RBFOX1: variants seen among roughly 807,000 people sequenced by gnomAD.
RBFOX1 encodes the protein RNA binding fox-1 homolog 1.
A neutral mutation model predicts 57.7 loss-of-function variants in RBFOX1; 8 were observed. The ratio of observed to expected loss-of-function variants is 0.14; its 90% confidence interval spans 0.08 to 0.25. RBFOX1 has a LOEUF of 0.25. Among genes scored for constraint, RBFOX1 ranks in the 10% least tolerant of loss-of-function variants. The pLI, the probability that RBFOX1 is intolerant of heterozygous loss-of-function variation, is 1.00. For synonymous variants in RBFOX1, 326 were observed against 222.4 expected, an observed-to-expected ratio of 1.47 and a Z score of -4.15; for missense variants, 611 against 548.5, an observed-to-expected ratio of 1.11 and a Z score of -1.14.
chr16:5,803,923 G>A (rs977553296), intron 3 of RBFOX1, among the ~76,000 whole-genome samples: 11 of 152,062 alleles, frequency 7.2e-5, no homozygotes, highest in Non-Finnish European at 1.3e-4. Flanking sequence ...TCTCTGCCTG[G>A]AATTGTCTTG....
rs550530668 is a variant in RBFOX1, at chr16:5,762,688, A to G, written c.319-104615A>G. ...GTTTATAATAATGAAAATTCCAATA[A>G]CGGGGAAAAAAATCAAATAATGATG... is the stretch of plus-strand genomic sequence containing the variant. On this transcript the variant is annotated intron_variant, in intron 3 of 19. Transcript: ENST00000641259. 9.8e-5 allele frequency among the ~76,000 whole-genome samples: 15 copies of G among 152,300 alleles called. No homozygotes were observed. The South Asian group carries it at 3.1e-3, about 32-fold the overall frequency.
chr16:6,986,011 T>G (rs1265284121), intron 3 of RBFOX1, among the ~76,000 whole-genome samples: 1 of 151,408 alleles, frequency 6.6e-6, no homozygotes, highest in African/African-American at 2.4e-5. Flanking sequence ...TAAAACATCT[T>G]GCAGAAACTC....
intron 3 of RBFOX1, among the ~76,000 whole-genome samples, chr16:7,013,393 C>T (rs553975860): frequency 2.6e-5 from 4 of 152,150 alleles, no homozygotes; most frequent in Non-Finnish European, 5.9e-5. Flanking sequence ...CTTTCTGACC[C>T]AGAGAACATG....
At chr16:6,748,713 A>G (rs988217144) in intron 3 of RBFOX1, among the ~76,000 whole-genome samples, 3 of 152,208 alleles carry the variant, frequency 2.0e-5, no homozygotes, top group African/African-American at 4.8e-5. Flanking sequence ...TTATGCATGT[A>G]TGAACAGAAG....
At chr16:7,232,127 G>T (rs1226361296) in intron 4 of RBFOX1, among the ~76,000 whole-genome samples, 1 of 152,048 alleles carries the variant, frequency 6.6e-6, no homozygotes, top group South Asian at 2.1e-4. Flanking sequence ...AGGTTCAAGC[G>T]ATTCTCCTGC....
At chr16:7,130,649 T>C (rs1275543495) in intron 4 of RBFOX1, among the ~76,000 whole-genome samples, 1 of 152,206 alleles carries the variant, frequency 6.6e-6, no homozygotes, top group African/African-American at 2.4e-5. Flanking sequence ...CAATGACATC[T>C]CCAGTGCCTT....
chr16:5,888,525 G>T (rs545297202), intron 4 of RBFOX1, among the ~76,000 whole-genome samples: 3 of 152,188 alleles, frequency 2.0e-5, no homozygotes, highest in Non-Finnish European at 4.4e-5. Context: ...GCCGGGCGCA[G>T]TGGCTCACGC....
chr16:6,766,665 C>G (rs917676764), intron 3 of RBFOX1, among the ~76,000 whole-genome samples: 1 of 151,938 alleles, frequency 6.6e-6, no homozygotes. Flanking sequence ...ATCTAATTAG[C>G]CACATGTGGC....
At chr16:7,521,590 G>C (rs1291267513) in intron 5 of RBFOX1, among the ~76,000 whole-genome samples, 4 of 152,206 alleles carry the variant, frequency 2.6e-5, no homozygotes, top group African/African-American at 9.6e-5. Context: ...AAGATAATCT[G>C]ATGTGCAGAC....
At chr16:6,465,694 A>G (rs1197539289) in intron 2 of RBFOX1, among the ~76,000 whole-genome samples, 1 of 147,044 alleles carries the variant, frequency 6.8e-6, no homozygotes, top group African/African-American at 2.5e-5. Flanking sequence ...TTGTTTCTGT[A>G]TTGCCTGTGG....
chr16:5,303,440 A>G (rs1006141196), intron 1 of RBFOX1, among the ~76,000 whole-genome samples: 1 of 152,102 alleles, frequency 6.6e-6, no homozygotes, highest in African/African-American at 2.4e-5. Context: ...GGGCTACCAG[A>G]CTTCTGTTTG....
intron 4 of RBFOX1, among the ~76,000 whole-genome samples, chr16:7,195,997 C>T (rs909929887): frequency 4.6e-5 from 7 of 151,914 alleles, no homozygotes; most frequent in African/African-American, 1.7e-4. Flanking sequence ...GAGTTTCTTC[C>T]AGGCTGTCAC....
chr16:6,482,525 G>C (rs948867846), intron 2 of RBFOX1, among the ~76,000 whole-genome samples: 13 of 152,302 alleles, frequency 8.5e-5, no homozygotes, highest in Admixed American at 6.5e-4. Flanking sequence ...AAATTACTTT[G>C]ATGATATTAT....
chr16:5,784,588 C>A (rs1020016654), intron 3 of RBFOX1, among the ~76,000 whole-genome samples: 2 of 152,156 alleles, frequency 1.3e-5, no homozygotes, highest in Non-Finnish European at 2.9e-5. Flanking sequence ...CATGAGAATT[C>A]CATCCCCATG....
At chr16:5,531,876 A>C (rs1273815469) in intron 2 of RBFOX1, among the ~76,000 whole-genome samples, 2 of 149,230 alleles carry the variant, frequency 1.3e-5, no homozygotes, top group African/African-American at 5.0e-5. Flanking sequence ...ATTACAGCTC[A>C]CTGCAACCTC....
intron 3 of RBFOX1, among the ~76,000 whole-genome samples, chr16:6,760,870 C>T (rs1293958018): frequency 6.6e-6 from 1 of 152,112 alleles, no homozygotes; most frequent in East Asian, 1.9e-4. Flanking sequence ...TGGTCAATGC[C>T]ACCCACCAGA....
intron 3 of RBFOX1, among the ~76,000 whole-genome samples, chr16:6,696,566 T>C (rs567284938): frequency 1.3e-5 from 2 of 152,340 alleles, no homozygotes; most frequent in East Asian, 3.9e-4. Context: ...TCGAGTAATT[T>C]AGGAAAACAT....
chr16:5,466,135 C>G (rs1335108378), intron 1 of RBFOX1, among the ~76,000 whole-genome samples: 2 of 152,220 alleles, frequency 1.3e-5, no homozygotes, highest in African/African-American at 2.4e-5. Flanking sequence ...TTGTTCAATT[C>G]TGGAATACGG....
At chr16:5,503,385 A>G (rs2043266406) in intron 2 of RBFOX1, among the ~76,000 whole-genome samples, 1 of 152,196 alleles carries the variant, frequency 6.6e-6, no homozygotes, top group African/African-American at 2.4e-5. Context: ...TATAATTCAC[A>G]CACCATATAA....
Sources: gnomAD v4.1 joint callset for allele counts (sites outside exome capture counted in the v4.1 genomes callset) on GRCh38, gnomAD v4.1.1 for gene constraint, MANE v1.5 for transcripts, NCBI Gene and HGNC (gene_info 2026-07-23, HGNC 2026-07-21) for gene names.